BMPR1B: variants seen among roughly 807,000 people sequenced by gnomAD.
BMPR1B encodes bone morphogenetic protein receptor type 1B.
Under a neutral mutation model 59.1 loss-of-function variants are expected in BMPR1B, and 12 were observed. The ratio of observed to expected loss-of-function variants is 0.20; its 90% CI spans 0.13 to 0.33. BMPR1B has a LOEUF of 0.33. Ranked by LOEUF, BMPR1B falls within the 10% of genes least tolerant of loss-of-function variation. BMPR1B has a pLI of 1.00. For missense variants in BMPR1B, 550 were observed against 610.9 expected, an observed-to-expected ratio of 0.90 and a Z score of 1.05; for synonymous variants, 237 against 207.3, an observed-to-expected ratio of 1.14 and a Z score of -1.23.
At chr4:94,938,221 T>G (rs1229314477) in intron 2 of BMPR1B, among the ~76,000 whole-genome samples, 4 of 152,114 alleles carry the variant, frequency 2.6e-5, no homozygotes, top group African/African-American at 7.2e-5. Flanking sequence ...TCCATGGTTT[T>G]TAACTGTACT....
At chr4:94,869,891 A>G (rs184716265) in intron 1 of BMPR1B, among the ~76,000 whole-genome samples, 26 of 152,298 alleles carry the variant, frequency 1.7e-4, no homozygotes, top group Admixed American at 1.4e-3. Flanking sequence ...GGCCTGGTCA[A>G]TATTTGAATA....
intron 3 of BMPR1B, among the ~76,000 whole-genome samples, chr4:95,046,530 G>T (rs1317022185): frequency 1.3e-5 from 2 of 152,068 alleles, no homozygotes; most frequent in African/African-American, 4.8e-5. Flanking sequence ...TAAATAATCT[G>T]CCCCAGATTA....
chr4:94,847,118 TGGGC>T (rs1725366462), intron 1 of BMPR1B, among the ~76,000 whole-genome samples: 1 of 152,096 alleles, frequency 6.6e-6, no homozygotes, highest in African/African-American at 2.4e-5. Context: ...CTGATCAAAA[TGGGC>T]AGAAAATCTG....
At chr4:94,834,335 G>A (rs1470476670) in intron 1 of BMPR1B, among the ~76,000 whole-genome samples, 2 of 152,036 alleles carry the variant, frequency 1.3e-5, no homozygotes, top group African/African-American at 2.4e-5. Flanking sequence ...TAGTTCTTTC[G>A]TGATATGCTT....
rs1735405627 is a variant in BMPR1B, at chr4:95,156,153, A to G, written c.*1480A>G. On this transcript the variant is annotated 3_prime_UTR_variant, in exon 13 of 13. Transcript: ENST00000515059. ...ACTTTGGAGCAACATGAATAAAATC[A>G]TCGAGAAGGCCAATATTGTTTAGCA... 6.6e-6 allele frequency: 1 copy of G among 152,190 alleles called. No homozygotes were observed. The highest frequency in any genetic ancestry group is 6.5e-5 in the Admixed American group (1 of 15,276). 9.4% of individuals were successfully genotyped at this position (152,190 alleles called of 1,614,324 possible). A position where few individuals can be genotyped will look rare whatever the true frequency, so the allele number is the denominator to read the frequency against.
At chr4:94,849,462 G>A (rs1231084988) in intron 1 of BMPR1B, among the ~76,000 whole-genome samples, 1 of 152,114 alleles carries the variant, frequency 6.6e-6, no homozygotes, top group African/African-American at 2.4e-5. Context: ...GAAAAAGGGA[G>A]CTGAGAAATG....
intron 2 of BMPR1B, among the ~76,000 whole-genome samples, chr4:94,947,001 G>A (rs907483677): frequency 6.6e-6 from 1 of 152,092 alleles, no homozygotes; most frequent in Admixed American, 6.5e-5. Context: ...GCAGCGAGCC[G>A]AGATCACTCT....
chr4:94,989,704 TAATA>T lies in BMPR1B; in HGVS notation c.-112-6329_-112-6326del, dbSNP rs1026225140. 3.3e-5 allele frequency among the ~76,000 whole-genome samples: 5 copies of T among 152,314 alleles called. No homozygotes were observed. The South Asian group carries it at 1.0e-3, about 32-fold the overall frequency. ...CATCTTAAAAGCTGAAACAATATACTAATAAATAAAATATTTCTTATTCCTTATT... is the reference window on the plus strand; with the variant it reads ...CATCTTAAAAGCTGAAACAATATACTAATAAAATATTTCTTATTCCTTATT... On this transcript the variant is annotated intron_variant, in intron 2 of 12. Transcript: ENST00000515059.
At chr4:95,118,911 T>A (rs1732266726) in intron 6 of BMPR1B, among the ~76,000 whole-genome samples, 1 of 152,132 alleles carries the variant, frequency 6.6e-6, no homozygotes, top group Admixed American at 6.6e-5. Context: ...AAGCTAGCCT[T>A]AAATAAAGTG....
intron 1 of BMPR1B, among the ~76,000 whole-genome samples, chr4:94,796,438 A>G (rs2110613561): frequency 6.6e-6 from 1 of 152,330 alleles, no homozygotes; most frequent in East Asian, 1.9e-4. Flanking sequence ...TCTGAATAGC[A>G]TGGACAGTTA....
At chr4:95,059,778 A>C (rs372567849) in intron 3 of BMPR1B, among the ~76,000 whole-genome samples, 6 of 152,278 alleles carry the variant, frequency 3.9e-5, no homozygotes, top group African/African-American at 1.4e-4. Context: ...TATTGAGCTT[A>C]AGCAGCTGGG....
chr4:95,098,951 C>T (rs546481801), intron 3 of BMPR1B, among the ~76,000 whole-genome samples: 5 of 152,212 alleles, frequency 3.3e-5, no homozygotes, highest in East Asian at 1.9e-4. Flanking sequence ...CCCCTGACCT[C>T]GTGATCTGCC....
At chr4:94,888,215 C>A (rs1727256387) in intron 2 of BMPR1B, among the ~76,000 whole-genome samples, 1 of 152,082 alleles carries the variant, frequency 6.6e-6, no homozygotes. Context: ...AATTTTCTAT[C>A]AATTCTTCCT....
chr4:94,823,968 A>G (rs1253771076), intron 1 of BMPR1B, among the ~76,000 whole-genome samples: 1 of 152,044 alleles, frequency 6.6e-6, no homozygotes, highest in East Asian at 1.9e-4. Flanking sequence ...GGATGGTCTC[A>G]ATCTCCTGAC....
chr4:94,804,293 A>C (rs1723522464), intron 1 of BMPR1B, among the ~76,000 whole-genome samples: 1 of 152,208 alleles, frequency 6.6e-6, no homozygotes, highest in Non-Finnish European at 1.5e-5. Flanking sequence ...ATGAATAGGA[A>C]GTTTAAAATT....
chr4:95,114,587 A>T (rs1282309132), intron 4 of BMPR1B, 133 bp from the exon 5 acceptor site: 2 of 828,264 alleles, frequency 2.4e-6, no homozygotes, highest in Non-Finnish European at 4.2e-6. Flanking sequence ...CAGATCATTG[A>T]CATTCTCCTT....
At chr4:94,996,858 C>T (rs1370779265) in intron 3 of BMPR1B, among the ~76,000 whole-genome samples, 1 of 152,188 alleles carries the variant, frequency 6.6e-6, no homozygotes, top group Non-Finnish European at 1.5e-5. Flanking sequence ...CTCCTGTCAT[C>T]ACAGGTAGCA....
intron 1 of BMPR1B, among the ~76,000 whole-genome samples, chr4:94,781,441 CT>C (rs1333746544): frequency 2.6e-5 from 4 of 152,042 alleles, no homozygotes; most frequent in African/African-American, 9.7e-5. Context: ...GAGACGAAGT[CT>C]TGCTCTGTCA....
At chr4:94,768,962 C>T (rs1377456840) in intron 1 of BMPR1B, among the ~76,000 whole-genome samples, 1 of 152,054 alleles carries the variant, frequency 6.6e-6, no homozygotes, top group Non-Finnish European at 1.5e-5. Flanking sequence ...ATACAAAAAT[C>T]TATAATTATA....
Sources: gnomAD v4.1 joint callset for allele counts (sites outside exome capture counted in the v4.1 genomes callset) on GRCh38, gnomAD v4.1.1 for gene constraint, MANE v1.5 for transcripts, NCBI Gene and HGNC (gene_info 2026-07-23, HGNC 2026-07-21) for gene names.